SHPK: variants seen among roughly 807,000 people sequenced by gnomAD.
The protein encoded by SHPK is sedoheptulokinase.
A neutral mutation model predicts 46.3 loss-of-function variants in SHPK; 51 were observed. The ratio of observed to expected loss-of-function variants is 1.10; its 90% CI spans 0.88 to 1.39. The LOEUF (loss-of-function observed/expected upper bound fraction) is 1.39, where lower values mean the gene tolerates loss of function less well. Among genes scored for constraint, SHPK ranks in the 40% most tolerant of loss-of-function variants. The pLI is 0.00. For missense variants in SHPK, 668 were observed against 641.3 expected (o/e 1.04, Z -0.45); for synonymous variants, 290 against 273.9 (o/e 1.06, Z -0.58).
chr17:3,630,895 T>C (rs1405523317), intron 1 of SHPK, among the ~76,000 whole-genome samples: 2 of 151,968 alleles, frequency 1.3e-5, no homozygotes, highest in Admixed American at 6.6e-5. Flanking sequence ...CCACAGAAAG[T>C]TCAGAAGAGA....
intron 6 of SHPK, among the ~76,000 whole-genome samples, chr17:3,614,526 A>AAAAAG (rs150410890): frequency 0.13 from 18,997 of 146,316 alleles, 4,254 homozygotes; most frequent in African/African-American, 0.47. Context: ...CTCCATCTCA[A>AAAAAG]AAAAGAAAAG....
intron 1 of SHPK, among the ~76,000 whole-genome samples, chr17:3,635,136 T>TA (rs1488744024): frequency 1.4e-5 from 2 of 148,000 alleles, no homozygotes; most frequent in East Asian, 4.1e-4. Context: ...CACGCCACTG[T>TA]ACTCCAGCCT....
chr17:3,628,401 C>T (rs2075451013), intron 2 of SHPK, among the ~76,000 whole-genome samples: 1 of 151,698 alleles, frequency 6.6e-6, no homozygotes, highest in Non-Finnish European at 1.5e-5. Flanking sequence ...CGGCTCACTG[C>T]AACCTCTGCC....
chr17:3,635,193 T>TGAAG lies in SHPK; in HGVS notation c.168+855_168+858dup, dbSNP rs1555555958. On this transcript the variant is annotated intron_variant, in intron 1 of 6. Coordinates refer to ENST00000225519, the MANE Select transcript of SHPK (RefSeq NM_013276.4). ...TAAGAAAGAGAAAGAAAGGAAAGAA[T>TGAAG]GAAGGAAGGAAGGAAGGAAGGAAGG... Among the ~76,000 whole-genome samples the TGAAG allele has an allele frequency of 1.6e-3, 95 of 60,554 alleles. 1 individual carries two copies. The highest frequency in any genetic ancestry group is 2.8e-3 in the Admixed American group (15 of 5,328). The allele number at this position is 60,554 out of a possible 152,430, so 39.7% of individuals were successfully genotyped here. A position where few individuals can be genotyped will look rare whatever the true frequency, so the allele number is the denominator to read the frequency against.
intron 4 of SHPK, chr17:3,622,706 CTTTT>C (rs10643273): frequency 1.2e-4 from 26 of 220,826 alleles, no homozygotes; most frequent in Non-Finnish European, 1.7e-4. Flanking sequence ...GTTCTTTTTT[CTTTT>C]TTTTTTTTTT....
At chr17:3,613,309 G>GTT (rs60177225) in intron 6 of SHPK, among the ~76,000 whole-genome samples, 17,034 of 152,184 alleles carry the variant, frequency 0.11, 3,166 homozygotes, top group African/African-American at 0.39. Context: ...ATGCAACGAT[G>GTT]TTTTTAAACT....
At chr17:3,635,236 A>AGGAAGGAAGGAAGGAAGGAAGGAAG (rs1555555998) in intron 1 of SHPK, among the ~76,000 whole-genome samples, 1 of 132,354 alleles carries the variant, frequency 7.6e-6, no homozygotes, top group Non-Finnish European at 1.7e-5. Flanking sequence ...GAAGGAAGGA[A>AGGAAGGAAGGAAGGAAGGAAGGAAG]GGAAGGAAGG....
Position 3,610,574 on chromosome 17 carries a change from G to A in SHPK, c.1423C>T (p.Gln475Ter). The change falls in exon 7 of 7, where the codon CAG (glutamine) becomes TAG (stop). Residue 475 changes from glutamine (Q) to a stop codon, truncating the protein, a stop_gained. Transcript: ENST00000225519. LOFTEE classifies it high-confidence loss of function. ...GAGTTTGCTGTCTAAGATTCCTTCT[G>A]GTTGAGGTGTCTCCGGAGCATGACC... ...ALVMLRRHLN[Q>*]KES 1 of 1,599,494 alleles carries A rather than the reference G, an allele frequency of 6.3e-7. No individual in the cohort carries two copies. The highest frequency in any genetic ancestry group is 8.6e-7 in the Non-Finnish European group (1 of 1,168,566).
At position 3,610,099 on chromosome 17, in the gene SHPK, A is replaced by G. The variant is rs544954287; in HGVS notation, c.*461T>C. 1 of 159,798 alleles carries G rather than the reference A, an allele frequency of 6.3e-6. No individual in the cohort carries two copies. The highest frequency in any genetic ancestry group is 1.8e-4 in the South Asian group (1 of 5,486). The allele number at this position is 159,798 out of a possible 1,614,324, so 9.9% of individuals were successfully genotyped here. On this transcript the variant is annotated 3_prime_UTR_variant, in exon 7 of 7. Transcript: ENST00000225519. Reference sequence around the variant, plus strand: ...GAGACAAGAACTTTTCCAGAAGTCCATACGACCCGAGTGTGGGCTTCAGGT... The same window carrying G: ...GAGACAAGAACTTTTCCAGAAGTCCGTACGACCCGAGTGTGGGCTTCAGGT...
chr17:3,628,949 G>A (rs567939916), intron 2 of SHPK, among the ~76,000 whole-genome samples: 59 of 152,134 alleles, frequency 3.9e-4, no homozygotes, highest in Admixed American at 2.2e-3. Context: ...CACCATGCCC[G>A]GCCTTAAAAA....
At chr17:3,622,635 GA>G in intron 4 of SHPK, 4 of 974,934 alleles carry the variant, frequency 4.1e-6, no homozygotes, top group Non-Finnish European at 4.9e-6. Flanking sequence ...TTCTGTACCT[GA>G]AAAGGCAAAT....
At position 3,608,872 on chromosome 17, in the gene SHPK, C is replaced by T. The variant is rs768824583; in HGVS notation, c.*1688G>A. 1.3e-5 allele frequency: 2 copies of T among 152,284 alleles called. No homozygotes were observed. Among genetic ancestry groups the T allele is most frequent in the Non-Finnish European group, 1.5e-5 (1 of 68,032 alleles). 9.4% of individuals were successfully genotyped at this position (152,284 alleles called of 1,614,324 possible). The stretch of plus-strand genomic sequence containing the variant: ...GCAGAGAGGTGTGTTTTATTTAAGG[C>T]ACAAGACTCTGGAAGAATGGGCTTT... On this transcript the variant is annotated 3_prime_UTR_variant, in exon 7 of 7. Coordinates refer to ENST00000225519, the MANE Select transcript of SHPK (RefSeq NM_013276.4).
intron 1 of SHPK, among the ~76,000 whole-genome samples, chr17:3,633,353 A>C (rs1300808881): frequency 4.0e-5 from 6 of 150,982 alleles, no homozygotes; most frequent in African/African-American, 4.9e-5. Context: ...GGCAACATGG[A>C]GACATTTTTG....
intron 2 of SHPK, among the ~76,000 whole-genome samples, chr17:3,626,776 G>C (rs2075440968): frequency 6.7e-6 from 1 of 150,280 alleles, no homozygotes; most frequent in African/African-American, 2.5e-5. Context: ...TGTAGTAACA[G>C]TTACTTGGGA....
At chr17:3,630,779 G>T (rs1243129651) in intron 1 of SHPK, among the ~76,000 whole-genome samples, 1 of 152,090 alleles carries the variant, frequency 6.6e-6, no homozygotes, top group Non-Finnish European at 1.5e-5. Context: ...CAGGAGAATC[G>T]GTTGAATCTG....
intron 2 of SHPK, among the ~76,000 whole-genome samples, chr17:3,624,743 T>A (rs2075423138): frequency 6.6e-6 from 1 of 152,070 alleles, no homozygotes; most frequent in Admixed American, 6.6e-5. Flanking sequence ...AACCTCCATC[T>A]CCCAGGTTCA....
chr17:3,622,830 G>A (rs1031732076), intron 4 of SHPK, among the ~76,000 whole-genome samples: 1 of 151,016 alleles, frequency 6.6e-6, no homozygotes, highest in Non-Finnish European at 1.5e-5. Flanking sequence ...TCAGCCTCCA[G>A]AGTAGCTGGG....
chr17:3,631,339 TG>T (rs1045030806), intron 1 of SHPK, among the ~76,000 whole-genome samples: 1 of 107,734 alleles, frequency 9.3e-6, no homozygotes, highest in Non-Finnish European at 1.9e-5. Flanking sequence ...GGTGGGGACA[TG>T]GGGGTGGGGG....
chr17:3,620,113 A>G (rs2075391158), intron 5 of SHPK, among the ~76,000 whole-genome samples: 1 of 152,204 alleles, frequency 6.6e-6, no homozygotes, highest in South Asian at 2.1e-4. Flanking sequence ...CTGAGCAGTT[A>G]CAACAGAGAC....
Sources: allele counts gnomAD v4.1 joint callset (sites outside exome capture counted in the v4.1 genomes callset), GRCh38; gene constraint gnomAD v4.1.1; transcripts MANE v1.5; gene names NCBI Gene and HGNC (gene_info 2026-07-23, HGNC 2026-07-21).